EBF2: variants seen among roughly 807,000 people sequenced by gnomAD.
The protein encoded by EBF2 is transcription factor COE2.
In EBF2, 21 loss-of-function variants were observed where a neutral mutation model predicts 72.8. The ratio of observed to expected loss-of-function variants is 0.29; its 90% confidence interval spans 0.20 to 0.42. The LOEUF is 0.42. EBF2 is among the 10% of genes least tolerant of loss of function. The pLI, the probability that EBF2 is intolerant of heterozygous loss-of-function variation, is 1.00. For synonymous variants in EBF2, 299 were observed against 274.2 expected (o/e 1.09, Z -0.89); for missense variants, 637 against 731.2 (o/e 0.87, Z 1.49).
intron 6 of EBF2, among the ~76,000 whole-genome samples, chr8:25,991,128 A>G (rs890163668): frequency 6.6e-6 from 1 of 151,998 alleles, no homozygotes; most frequent in African/African-American, 2.4e-5. Context: ...AAAAAAGGAG[A>G]TGCTGTTTCT....
intron 7 of EBF2, among the ~76,000 whole-genome samples, chr8:25,893,968 T>G (rs1437156031): frequency 2.6e-5 from 4 of 152,176 alleles, no homozygotes; most frequent in African/African-American, 9.7e-5. Context: ...TCCATAAAAT[T>G]TATTACAAGA....
chr8:25,881,948 T>C (rs1384531641), intron 10 of EBF2, among the ~76,000 whole-genome samples: 1 of 152,174 alleles, frequency 6.6e-6, no homozygotes, highest in African/African-American at 2.4e-5. Context: ...CTGGCTCCCT[T>C]ATCTGCTGAG....
At chr8:25,883,330 A>G (rs574751045) in intron 10 of EBF2, among the ~76,000 whole-genome samples, 1 of 151,884 alleles carries the variant, frequency 6.6e-6, no homozygotes, top group South Asian at 2.1e-4. Context: ...CCCCAAAGCT[A>G]GTCACTCCCT....
chr8:25,991,853 ATAAG>A (rs1027602915), intron 6 of EBF2, among the ~76,000 whole-genome samples: 64 of 152,098 alleles, frequency 4.2e-4, no homozygotes, highest in African/African-American at 1.3e-3. Context: ...TCTCAAAAAA[ATAAG>A]TAAGGGACAG....
chr8:25,976,885 C>T (rs757665313), intron 6 of EBF2, among the ~76,000 whole-genome samples: 1 of 152,136 alleles, frequency 6.6e-6, no homozygotes, highest in African/African-American at 2.4e-5. Context: ...AAAGGCTTGT[C>T]AACATCAGAC....
chr8:26,038,979 A>T (rs1585237446), intron 5 of EBF2, among the ~76,000 whole-genome samples: 2 of 152,258 alleles, frequency 1.3e-5, no homozygotes, highest in African/African-American at 4.8e-5. Flanking sequence ...CTAAAGCAAT[A>T]GCCAAGTAAG....
At chr8:26,002,088 A>ACTC (rs1445755648) in intron 6 of EBF2, among the ~76,000 whole-genome samples, 1 of 152,192 alleles carries the variant, frequency 6.6e-6, no homozygotes, top group Non-Finnish European at 1.5e-5. Flanking sequence ...GACAAAGGGA[A>ACTC]CCGGGAGTTC....
chr8:26,008,256 G>A (rs1804914674), intron 6 of EBF2, among the ~76,000 whole-genome samples: 1 of 152,092 alleles, frequency 6.6e-6, no homozygotes, highest in African/African-American at 2.4e-5. Context: ...ATCATAATAT[G>A]CATTATGTCT....
Position 25,964,138 on chromosome 8 carries a change from A to G in EBF2, c.552-55583T>C, listed in dbSNP as rs146927224. Among the ~76,000 whole-genome samples the G allele has an allele frequency of 4.1e-3, 628 of 152,248 alleles. 7 individuals carry two copies. Among genetic ancestry groups the G allele is most frequent in the African/African-American group, 0.015 (607 of 41,514 alleles). The stretch of plus-strand genomic sequence containing the variant: ...AAGGTTCTCTTGCACACCCCAGTAC[A>G]AGGGGAGGGAGAAGTGAATTTGGAT... On this transcript the variant is annotated intron_variant, in intron 6 of 15. Transcript: ENST00000520164.
At chr8:25,930,963 TATATGGCCTC>T (rs1803469931) in intron 6 of EBF2, among the ~76,000 whole-genome samples, 1 of 152,150 alleles carries the variant, frequency 6.6e-6, no homozygotes, top group Non-Finnish European at 1.5e-5. Flanking sequence ...TCTCAGAGAT[TATATGGCCTC>T]ATAAAAACAA....
intron 5 of EBF2, among the ~76,000 whole-genome samples, chr8:26,038,894 C>T (rs17054793): frequency 0.12 from 18,379 of 152,128 alleles, 1,482 homozygotes; most frequent in East Asian, 0.4. Context: ...GGGAGCTGCC[C>T]GTAAAACAGT....
At chr8:26,032,839 C>T (rs1805431828) in intron 6 of EBF2, 2 of 522,070 alleles carry the variant, frequency 3.8e-6, no homozygotes, top group Non-Finnish European at 6.9e-6. Context: ...ACACATACTA[C>T]TTATTAGGCT....
At chr8:25,889,904 C>T (rs1463697028) in intron 7 of EBF2, 35 bp from the exon 8 acceptor site, 3 of 1,573,028 alleles carry the variant, frequency 1.9e-6, no homozygotes, top group Admixed American at 1.7e-5. Flanking sequence ...AAAGGGGGTG[C>T]AGTGGAATTA....
At chr8:25,849,382 A>G (rs914125560) in intron 15 of EBF2, among the ~76,000 whole-genome samples, 6 of 152,162 alleles carry the variant, frequency 3.9e-5, no homozygotes, top group Non-Finnish European at 8.8e-5. Flanking sequence ...ACGTGTCCCA[A>G]AAGAATTAAG....
At chr8:25,910,862 C>T (rs191740114) in intron 6 of EBF2, among the ~76,000 whole-genome samples, 1 of 152,148 alleles carries the variant, frequency 6.6e-6, no homozygotes, top group African/African-American at 2.4e-5. Context: ...AGAAAGTTCT[C>T]TTGCATTACA....
chr8:25,961,724 C>T (rs187066655), intron 6 of EBF2, among the ~76,000 whole-genome samples: 2 of 152,140 alleles, frequency 1.3e-5, no homozygotes, highest in South Asian at 2.1e-4. Flanking sequence ...CCTCATAATG[C>T]TGGTTTTCCT....
At chr8:26,007,113 A>G (rs1326950219) in intron 6 of EBF2, among the ~76,000 whole-genome samples, 2 of 152,352 alleles carry the variant, frequency 1.3e-5, no homozygotes, top group East Asian at 1.9e-4. Context: ...ACTTAAAGAG[A>G]ACTGTTGCTT....
At position 25,864,879 on chromosome 8, in the gene EBF2, C is replaced by T. The variant is rs370351420; in HGVS notation, c.1010-2082G>A. Among the ~76,000 whole-genome samples the T allele has an allele frequency of 2.6e-5, 4 of 151,078 alleles. No homozygotes were observed. The South Asian group carries it at 8.4e-4, about 32-fold the overall frequency. On this transcript the variant is annotated intron_variant, in intron 10 of 15. Transcript: ENST00000520164. ...GTGGTGCAATCTCAGCTCACAGCAA[C>T]CTCCACTGCCCGGGTTCAAGCGATT...
chr8:26,040,846 G>A (rs1431879637), intron 3 of EBF2, 93 bp downstream of exon 3: 1 of 1,566,280 alleles, frequency 6.4e-7, no homozygotes, highest in East Asian at 2.3e-5. Flanking sequence ...TGGGCTCCAT[G>A]CGATCCCTGA....
Sources: allele counts gnomAD v4.1 joint callset (sites outside exome capture counted in the v4.1 genomes callset), GRCh38; gene constraint gnomAD v4.1.1; transcripts MANE v1.5; gene names NCBI Gene and HGNC (gene_info 2026-07-23, HGNC 2026-07-21).